OPCML: variants seen among roughly 807,000 people sequenced by gnomAD.
The protein encoded by OPCML is opioid-binding protein/cell adhesion molecule.
OPCML carries 13 observed loss-of-function variants against 37.8 expected under a neutral mutation model. That is an observed-to-expected ratio of 0.34 (90% CI 0.22 to 0.55). The LOEUF (loss-of-function observed/expected upper bound fraction) is 0.55. Ranked by LOEUF, OPCML falls within the 20% of genes least tolerant of loss-of-function variation. The pLI, the probability that OPCML is intolerant of heterozygous loss-of-function variation, is 0.91. For synonymous variants in OPCML, 176 were observed against 168.8 expected (o/e 1.04, Z -0.33); for missense variants, 341 against 435.6 (o/e 0.78, Z 1.93).
chr11:133,249,967 A>G (rs1941071734), intron 1 of OPCML, among the ~76,000 whole-genome samples: 1 of 152,242 alleles, frequency 6.6e-6, no homozygotes, highest in Admixed American at 6.5e-5. Context: ...GTTACTCTCC[A>G]TGAGCTTGGG....
intron 1 of OPCML, among the ~76,000 whole-genome samples, chr11:133,146,090 T>C (rs1489890951): frequency 6.6e-6 from 1 of 152,206 alleles, no homozygotes; most frequent in Non-Finnish European, 1.5e-5. Context: ...ATTTTTACTC[T>C]AGGCTTACTG....
chr11:133,387,197 T>C (rs1396675449), intron 1 of OPCML, among the ~76,000 whole-genome samples: 5 of 152,174 alleles, frequency 3.3e-5, no homozygotes, highest in African/African-American at 1.2e-4. Flanking sequence ...GTGGCCCTGC[T>C]TGGGGGATGC....
intron 2 of OPCML, among the ~76,000 whole-genome samples, chr11:132,668,072 A>G (rs771709913): frequency 1.7e-4 from 26 of 152,234 alleles, no homozygotes; most frequent in Non-Finnish European, 3.2e-4. Flanking sequence ...AGAATGTGGT[A>G]GGCTCAATGC....
At chr11:133,254,223 C>T (rs1941241000) in intron 1 of OPCML, among the ~76,000 whole-genome samples, 2 of 152,272 alleles carry the variant, frequency 1.3e-5, no homozygotes, top group South Asian at 4.1e-4. Flanking sequence ...AGGACTTAGG[C>T]TCCCGGGGAA....
At chr11:132,718,852 A>G (rs1944581643) in intron 2 of OPCML, among the ~76,000 whole-genome samples, 1 of 152,168 alleles carries the variant, frequency 6.6e-6, no homozygotes, top group Admixed American at 6.5e-5. Flanking sequence ...CTGGGTTGAC[A>G]TCTCCTATTT....
At chr11:132,548,623 C>T (rs1166302726) in intron 3 of OPCML, among the ~76,000 whole-genome samples, 3 of 152,182 alleles carry the variant, frequency 2.0e-5, no homozygotes, top group Non-Finnish European at 4.4e-5. Flanking sequence ...TCCTCTACCC[C>T]ATTAAATGTT....
At chr11:132,662,426 A>G (rs1232588944) in intron 2 of OPCML, among the ~76,000 whole-genome samples, 1 of 151,936 alleles carries the variant, frequency 6.6e-6, no homozygotes, top group Non-Finnish European at 1.5e-5. Context: ...AAAAAAAAAA[A>G]AAAGTGCCAA....
intron 3 of OPCML, among the ~76,000 whole-genome samples, chr11:132,602,358 A>T (rs553317783): frequency 6.6e-6 from 1 of 152,188 alleles, no homozygotes; most frequent in African/African-American, 2.4e-5. Context: ...AAACCTATAG[A>T]TTGTTATACT....
chr11:132,538,698 TC>T (rs1454328007), intron 3 of OPCML, among the ~76,000 whole-genome samples: 1 of 152,198 alleles, frequency 6.6e-6, no homozygotes, highest in African/African-American at 2.4e-5. Context: ...TATTGATAGT[TC>T]TTTGAATAAT....
intron 1 of OPCML, among the ~76,000 whole-genome samples, chr11:133,311,712 G>A (rs1332315980): frequency 6.6e-6 from 1 of 152,206 alleles, no homozygotes; most frequent in East Asian, 1.9e-4. Context: ...AGATAGAAGG[G>A]CCCACACTGT....
intron 1 of OPCML, among the ~76,000 whole-genome samples, chr11:132,957,482 A>G (rs933473810): frequency 6.6e-5 from 10 of 152,180 alleles, no homozygotes; most frequent in African/African-American, 2.4e-4. Flanking sequence ...AAATAAATGT[A>G]TATACTTAAA....
chr11:133,046,363 T>C (rs561787387), intron 1 of OPCML, among the ~76,000 whole-genome samples: 1 of 152,300 alleles, frequency 6.6e-6, no homozygotes, highest in African/African-American at 2.4e-5. Context: ...TCAAATTTGC[T>C]GAGTAGCCAG....
intron 4 of OPCML, among the ~76,000 whole-genome samples, chr11:132,522,250 C>G (rs140666605): frequency 6.6e-6 from 1 of 152,262 alleles, no homozygotes; most frequent in East Asian, 1.9e-4. Flanking sequence ...GCCTTTTTGC[C>G]TATCACAAAT....
intron 1 of OPCML, among the ~76,000 whole-genome samples, chr11:133,521,420 A>G (rs1948394327): frequency 6.6e-6 from 1 of 152,220 alleles, no homozygotes; most frequent in Admixed American, 6.5e-5. Flanking sequence ...GAAAGAAGAA[A>G]AGAAACAGTC....
rs1167060771 is a variant in OPCML at position 133,458,765 on chromosome 11, G to A, written c.61+73499C>T. On this transcript the variant is annotated intron_variant, in intron 1 of 7. Coordinates refer to ENST00000524381, the MANE Select transcript of OPCML (RefSeq NM_001012393.5). ...CGTGTGTGTATATATACACATAGAT[G>A]CACGTGTGTGTATATACACATAGAT... 5.8e-5 allele frequency among the ~76,000 whole-genome samples: 6 copies of A among 104,050 alleles called. 1 individual carries two copies. The highest frequency in any genetic ancestry group is 2.9e-4 in the African/African-American group (6 of 21,032). The allele number at this position is 104,050 out of a possible 152,430, so 68.3% of individuals were successfully genotyped here. A position where few individuals can be genotyped will look rare whatever the true frequency, so the allele number is the denominator to read the frequency against.
At chr11:133,439,571 C>T (rs1946318020) in intron 1 of OPCML, among the ~76,000 whole-genome samples, 1 of 151,966 alleles carries the variant, frequency 6.6e-6, no homozygotes, top group African/African-American at 2.4e-5. Flanking sequence ...AGGTTCACGT[C>T]ATTCTCCTGC....
At chr11:133,117,629 C>T (rs1435737284) in intron 1 of OPCML, among the ~76,000 whole-genome samples, 2 of 152,112 alleles carry the variant, frequency 1.3e-5, no homozygotes, top group Non-Finnish European at 2.9e-5. Context: ...TGATTTTAAA[C>T]CTACTGTGGG....
intron 4 of OPCML, among the ~76,000 whole-genome samples, chr11:132,442,664 G>T (rs1257916287): frequency 6.6e-6 from 1 of 152,196 alleles, no homozygotes; most frequent in Non-Finnish European, 1.5e-5. Context: ...GCAGGGCCAG[G>T]TGGAAATGAT....
chr11:133,109,511 ACTGATTGGTGCATTTTACAATC>A (rs1949218861), intron 1 of OPCML, among the ~76,000 whole-genome samples: 1 of 152,018 alleles, frequency 6.6e-6, no homozygotes, highest in African/African-American at 2.4e-5. Flanking sequence ...TTTACAGAGC[ACTGATTGGTGCATTTTACAATC>A]CCCTTGCTAG....
Sources: allele counts gnomAD v4.1 joint callset (sites outside exome capture counted in the v4.1 genomes callset), GRCh38; gene constraint gnomAD v4.1.1; transcripts MANE v1.5; gene names NCBI Gene and HGNC (gene_info 2026-07-23, HGNC 2026-07-21).